The following NSD2 variants were observed in gnomAD, a reference collection of about 807,000 sequenced individuals.
NSD2 encodes nuclear receptor binding SET domain protein 2, also known as histone-lysine N-methyltransferase NSD2.
Under a neutral mutation model 139.0 loss-of-function variants are expected in NSD2, and 12 were observed. The observed-to-expected ratio is 0.09, with a 90% confidence interval of 0.06 to 0.14. The LOEUF is 0.14. Ranked by LOEUF, NSD2 falls within the 10% of genes least tolerant of loss-of-function variation. The probability of loss-of-function intolerance (pLI) is 1.00; values close to 1 mark genes in which losing one functional copy is unlikely to be tolerated. For missense variants in NSD2, 1,155 were observed against 1,745.0 expected, an observed-to-expected ratio of 0.66 and a Z score of 6.02; for synonymous variants, 669 against 648.7, an observed-to-expected ratio of 1.03 and a Z score of -0.48.
chr4:1,943,144 G>C, intron 9 of NSD2: 1 of 1,044,502 alleles, frequency 9.6e-7, no homozygotes, highest in African/African-American at 1.7e-5. Context: ...GGAGCAGCCT[G>C]GTGTCCTGCC....
Position 1,873,607 on chromosome 4 carries a change from G to T in NSD2, c.-30+2065G>T, listed in dbSNP as rs567541792. Among the ~76,000 whole-genome samples the T allele has an allele frequency of 2.6e-5, 4 of 152,292 alleles. No individual in the cohort carries two copies. The East Asian group carries it at 7.7e-4, about 29-fold the overall frequency. Reference sequence around the variant, plus strand: ...AACCCACTCCTCCTAATCCTGTGGGGCTTACATGGGTACAGCCTTCTGCCT... The same window carrying T: ...AACCCACTCCTCCTAATCCTGTGGGTCTTACATGGGTACAGCCTTCTGCCT... On this transcript the variant is annotated intron_variant, in intron 1 of 21. Transcript: ENST00000508803.
At chr4:1,882,758 C>A (rs1714800751) in intron 1 of NSD2, among the ~76,000 whole-genome samples, 1 of 152,196 alleles carries the variant, frequency 6.6e-6, no homozygotes, top group African/African-American at 2.4e-5. Flanking sequence ...TCCAGTGGTT[C>A]TCAAAGTCTG....
At chr4:1,940,936 G>A in intron 9 of NSD2, 1 of 1,057,120 alleles carries the variant, frequency 9.5e-7, no homozygotes, top group Non-Finnish European at 1.1e-6. Flanking sequence ...TTTCTGCAGG[G>A]ACTCAAACCA....
rs189961687 is a variant in NSD2 at position 1,980,230 on chromosome 4, G to C, written c.*1321G>C. 4.3e-5 allele frequency: 10 copies of C among 233,266 alleles called. No individual in the cohort carries two copies. The highest frequency in any genetic ancestry group is 7.6e-5 in the Non-Finnish European group (9 of 118,038). The allele number at this position is 233,266 out of a possible 1,614,324, so 14.4% of individuals were successfully genotyped here. A position where few individuals can be genotyped will look rare whatever the true frequency, so the allele number is the denominator to read the frequency against. Reference sequence around the variant, plus strand: ...TAAAAGGTCCAGTTCTACAGAGTGAGACCTATCTATCTGAGTACTACATAT... The same window carrying C: ...TAAAAGGTCCAGTTCTACAGAGTGACACCTATCTATCTGAGTACTACATAT... On this transcript the variant is annotated 3_prime_UTR_variant, in exon 22 of 22. Transcript: ENST00000508803.
At chr4:1,953,974 C>T (rs1031914916) in intron 12 of NSD2, among the ~76,000 whole-genome samples, 1 of 150,058 alleles carries the variant, frequency 6.7e-6, no homozygotes, top group African/African-American at 2.5e-5. Flanking sequence ...CCACACCTGG[C>T]TGATTTTTGT....
rs1445104348 is a variant in NSD2, at chr4:1,979,778, A to G, written c.*869A>G. ...TTTTTATTCTCAATATATTTTTGCTAAACCTATTTCACAAATCACCACCGA... is the reference window on the plus strand; with the variant it reads ...TTTTTATTCTCAATATATTTTTGCTGAACCTATTTCACAAATCACCACCGA... On this transcript the variant is annotated 3_prime_UTR_variant, in exon 22 of 22. Transcript: ENST00000508803. 1.3e-5 allele frequency: 3 copies of G among 231,926 alleles called. No individual in the cohort carries two copies. The highest frequency in any genetic ancestry group is 2.6e-5 in the Non-Finnish European group (3 of 117,356). 14.4% of individuals were successfully genotyped at this position (231,926 alleles called of 1,614,324 possible). A position where few individuals can be genotyped will look rare whatever the true frequency, so the allele number is the denominator to read the frequency against.
chr4:1,951,300 A>C, intron 10 of NSD2, 97 bp downstream of exon 10: 3 of 1,518,356 alleles, frequency 2.0e-6, no homozygotes, highest in Non-Finnish European at 2.7e-6. Flanking sequence ...TTCCCACCAG[A>C]CCCCTTCCCC....
chr4:1,889,793 C>T (rs1395035119), intron 1 of NSD2, among the ~76,000 whole-genome samples: 2 of 152,140 alleles, frequency 1.3e-5, no homozygotes, highest in Non-Finnish European at 1.5e-5. Context: ...AGGCGTGAGC[C>T]ACTGTGCCCA....
At chr4:1,873,941 T>C (rs897881409) in intron 1 of NSD2, among the ~76,000 whole-genome samples, 3 of 152,180 alleles carry the variant, frequency 2.0e-5, no homozygotes, top group African/African-American at 2.4e-5. Flanking sequence ...ATGGTGCACT[T>C]CAGTCCCAAA....
intron 17 of NSD2, among the ~76,000 whole-genome samples, 168 bp downstream of exon 17, chr4:1,959,908 TG>T (rs1345795618): frequency 3.3e-5 from 5 of 152,220 alleles, no homozygotes; most frequent in Admixed American, 3.3e-4. Flanking sequence ...TCATCTAGGC[TG>T]GAGGGCAGTG....
intron 18 of NSD2, among the ~76,000 whole-genome samples, chr4:1,965,031 T>G (rs1725737354): frequency 7.8e-6 from 1 of 128,154 alleles, no homozygotes; most frequent in Admixed American, 9.8e-5. Context: ...ATTATTAGAC[T>G]TAACATGTCC....
At chr4:1,896,662 C>T (rs558020329) in intron 1 of NSD2, among the ~76,000 whole-genome samples, 14 of 151,730 alleles carry the variant, frequency 9.2e-5, no homozygotes, top group South Asian at 2.1e-4. Flanking sequence ...CCACTGTGCC[C>T]GGCCTCCCTC....
In NSD2 at chr4:1,904,258, A is replaced by G. The variant is rs1373329229; in HGVS notation, c.640A>G (p.Lys214Glu). The G allele has an allele frequency of 1.9e-6, 3 of 1,614,074 alleles. No individual in the cohort carries two copies. Among genetic ancestry groups the G allele is most frequent in the Admixed American group, 3.3e-5 (2 of 60,006 alleles). The change falls in exon 3 of 22, where the codon AAA becomes GAA. Residue 214 changes from lysine (K) to glutamate (E), a missense_variant. Physicochemically the swap from Lys to Glu is moderately conservative, Grantham distance 56. Coordinates refer to ENST00000508803, the MANE Select transcript of NSD2 (RefSeq NM_001042424.3). Reference sequence around the variant, plus strand: ...GTCTTGTCCAAACACTGGAAGAGACAAAGACCACCTGTTGAAATACAACGT... The same window carrying G: ...GTCTTGTCCAAACACTGGAAGAGACGAAGACCACCTGTTGAAATACAACGT... ...KESCPNTGRD[K>E]DHLLKYNVGD... is the part of the protein sequence containing the mutation.
At chr4:1,918,073 C>T (rs1448711307) in intron 4 of NSD2, 68 bp from the exon 5 acceptor site, 1 of 1,537,728 alleles carries the variant, frequency 6.5e-7, no homozygotes, top group African/African-American at 1.4e-5. Context: ...GAATCATGTG[C>T]CTAGGAAAAG....
chr4:1,889,845 C>T (rs1371895972), intron 1 of NSD2, among the ~76,000 whole-genome samples: 1 of 151,278 alleles, frequency 6.6e-6, no homozygotes. Flanking sequence ...ATTCACATAA[C>T]ATTTATTGTT....
chr4:1,962,117 G>T (rs1020407047), intron 18 of NSD2, among the ~76,000 whole-genome samples: 4 of 152,238 alleles, frequency 2.6e-5, no homozygotes, highest in Non-Finnish European at 5.9e-5. Context: ...AACCTTGTCA[G>T]GTGGCCCCTG....
At chr4:1,975,270 G>T (rs975180265) in intron 19 of NSD2, 24 bp from the exon 20 acceptor site, 1 of 1,607,910 alleles carries the variant, frequency 6.2e-7, no homozygotes, top group Non-Finnish European at 8.5e-7. Flanking sequence ...TTTCCAATTT[G>T]GTGTCTGTCT....
intron 1 of NSD2, among the ~76,000 whole-genome samples, chr4:1,898,389 G>T (rs550710506): frequency 6.6e-6 from 1 of 152,188 alleles, no homozygotes; most frequent in Non-Finnish European, 1.5e-5. Context: ...TCGTGGCCAG[G>T]TGCGGTGGCT....
At chr4:1,889,870 G>A (rs1380093092) in intron 1 of NSD2, among the ~76,000 whole-genome samples, 1 of 151,782 alleles carries the variant, frequency 6.6e-6, no homozygotes, top group Non-Finnish European at 1.5e-5. Context: ...CCATTATAGA[G>A]TGTACAATTC....
Sources: gnomAD v4.1 joint callset for allele counts (sites outside exome capture counted in the v4.1 genomes callset) on GRCh38, gnomAD v4.1.1 for gene constraint, MANE v1.5 for transcripts, NCBI Gene and HGNC (gene_info 2026-07-23, HGNC 2026-07-21) for gene names.